Variants in ACTR3C observed in about 807,000 individuals in gnomAD.
ACTR3C encodes the protein actin-related protein 3C.
ACTR3C carries 18 observed loss-of-function variants against 26.3 expected under a neutral mutation model. The observed-to-expected ratio is 0.68, with a 90% CI of 0.47 to 1.01. The LOEUF (loss-of-function observed/expected upper bound fraction) is 1.01, where lower values mean the gene tolerates loss of function less well. Ranked by LOEUF, ACTR3C falls within the 50% of genes least tolerant of loss-of-function variation. The probability of loss-of-function intolerance (pLI) is 0.00; values close to 1 mark genes in which losing one functional copy is unlikely to be tolerated. For synonymous variants in ACTR3C, 55 were observed against 94.5 expected, an observed-to-expected ratio of 0.58 and a Z score of 2.42; for missense variants, 184 against 250.7, an observed-to-expected ratio of 0.73 and a Z score of 1.80.
chr7:149,960,603 T>C, the ACTR3C span, among the ~76,000 whole-genome samples: 947 of 152,184 alleles, frequency 6.2e-3, 9 homozygotes, highest in African/African-American at 0.021. Context: ...GTTCCGTCAT[T>C]TTGGAAGCCA....
the ACTR3C span, among the ~76,000 whole-genome samples, chr7:149,971,742 C>T: frequency 6.6e-6 from 1 of 152,186 alleles, no homozygotes; most frequent in African/African-American, 2.4e-5. Flanking sequence ...CCTCGTCTCC[C>T]ATTTACCCTT....
the ACTR3C span, among the ~76,000 whole-genome samples, chr7:149,919,532 G>T: frequency 6.6e-6 from 1 of 152,138 alleles, no homozygotes; most frequent in Non-Finnish European, 1.5e-5. Context: ...GAGCCACCGC[G>T]TCTGGCCCCT....
chr7:150,088,704 T>G, the ACTR3C span, among the ~76,000 whole-genome samples: 2 of 152,210 alleles, frequency 1.3e-5, no homozygotes, highest in Non-Finnish European at 2.9e-5. Flanking sequence ...TTTTGTACAG[T>G]TTCATCATAA....
the ACTR3C span, among the ~76,000 whole-genome samples, chr7:149,939,767 G>A: frequency 6.9e-6 from 1 of 145,212 alleles, no homozygotes; most frequent in East Asian, 2.0e-4. Context: ...AAACCTGTGT[G>A]CCCTTCAGTA....
At chr7:150,048,753 C>T in the ACTR3C span, among the ~76,000 whole-genome samples, 1 of 152,110 alleles carries the variant, frequency 6.6e-6, no homozygotes, top group East Asian at 1.9e-4. Flanking sequence ...GCAAATGGGG[C>T]GTGGGAGAGC....
chr7:150,288,415 T>TC lies in ACTR3C; in HGVS notation c.297+1034_297+1035insG, dbSNP rs946796357. Among the ~76,000 whole-genome samples, 10 of 133,940 alleles carry TC rather than the reference T, an allele frequency of 7.5e-5. 1 individual carries two copies. The highest frequency in any genetic ancestry group is 1.4e-4 in the Non-Finnish European group (9 of 65,054). 87.9% of individuals were successfully genotyped at this position (133,940 alleles called of 152,430 possible). ...AAAAGGCTCAATTCTTTTTTTTTTT[T>TC]TTCTTCTTTTTTGAAATAGAGACGA... On this transcript the variant is annotated intron_variant, in intron 4 of 7. Coordinates refer to ENST00000683684, the MANE Select transcript of ACTR3C (RefSeq NM_001164458.2).
chr7:150,029,938 G>A, the ACTR3C span, among the ~76,000 whole-genome samples: 440 of 147,928 alleles, frequency 3.0e-3, 2 homozygotes, highest in Non-Finnish European at 5.3e-3. Flanking sequence ...AACTCTTCAA[G>A]AATCATCCTA....
At chr7:150,034,188 A>T in the ACTR3C span, among the ~76,000 whole-genome samples, 2 of 151,902 alleles carry the variant, frequency 1.3e-5, no homozygotes, top group Non-Finnish European at 2.9e-5. Context: ...GAATCAGCTT[A>T]TTTGCTTCTT....
chr7:150,214,425 A>C, the ACTR3C span, among the ~76,000 whole-genome samples: 1 of 152,178 alleles, frequency 6.6e-6, no homozygotes, highest in Admixed American at 6.5e-5. Flanking sequence ...TTGAAAATGC[A>C]ATATCCGGAG....
At chr7:150,282,771 G>T (rs1235672967) in intron 6 of ACTR3C, among the ~76,000 whole-genome samples, 3 of 135,000 alleles carry the variant, frequency 2.2e-5, no homozygotes, top group Non-Finnish European at 4.5e-5. Context: ...AGCTACTTGG[G>T]AGACTGAAGC....
At chr7:150,314,624 T>C (rs564228298) in intron 1 of ACTR3C, among the ~76,000 whole-genome samples, 1 of 152,244 alleles carries the variant, frequency 6.6e-6, no homozygotes, top group African/African-American at 2.4e-5. Flanking sequence ...CTTTTCTAGA[T>C]GTTTAAAATA....
At chr7:150,138,529 C>T in the ACTR3C span, among the ~76,000 whole-genome samples, 1 of 152,264 alleles carries the variant, frequency 6.6e-6, no homozygotes, top group Non-Finnish European at 1.5e-5. Flanking sequence ...AGCTAGTCAT[C>T]CATTCAGGCT....
chr7:150,251,205 T>C (rs73728103), intron 6 of ACTR3C, among the ~76,000 whole-genome samples: 3,280 of 152,348 alleles, frequency 0.022, 122 homozygotes, highest in African/African-American at 0.075. Flanking sequence ...TCTAATTCAA[T>C]GGTCGTTTAT....
At chr7:149,935,979 C>T in the ACTR3C span, among the ~76,000 whole-genome samples, 8 of 151,826 alleles carry the variant, frequency 5.3e-5, no homozygotes, top group African/African-American at 1.9e-4. Context: ...TGCACAGTCA[C>T]CCCCAAAAGT....
At chr7:150,062,351 G>T in the ACTR3C span, 1 of 78,182 alleles carries the variant, frequency 1.3e-5, no homozygotes. Flanking sequence ...AACTGCATGT[G>T]GGGTGGGCTC....
chr7:150,092,634 C>T, the ACTR3C span, among the ~76,000 whole-genome samples: 6 of 150,490 alleles, frequency 4.0e-5, no homozygotes, highest in East Asian at 1.2e-3. Flanking sequence ...GTGGTGGAAA[C>T]TACTGCATGT....
At chr7:150,035,009 TC>T in the ACTR3C span, among the ~76,000 whole-genome samples, 3 of 131,966 alleles carry the variant, frequency 2.3e-5, no homozygotes, top group South Asian at 2.5e-4. Context: ...ATGGGGGTCC[TC>T]AGAGCCAGGG....
At chr7:150,087,503 G>A in the ACTR3C span, among the ~76,000 whole-genome samples, 1 of 152,178 alleles carries the variant, frequency 6.6e-6, no homozygotes, top group East Asian at 1.9e-4. Flanking sequence ...GGAGGTGAAG[G>A]GGGAAGCATG....
chr7:150,321,975 T>C (rs1797562600), intron 1 of ACTR3C, among the ~76,000 whole-genome samples: 1 of 152,082 alleles, frequency 6.6e-6, no homozygotes, highest in Non-Finnish European at 1.5e-5. Context: ...ACTGAGGAGG[T>C]GGAAAGAAGT....
Sources: gnomAD v4.1 joint callset for allele counts (sites outside exome capture counted in the v4.1 genomes callset) on GRCh38, gnomAD v4.1.1 for gene constraint, MANE v1.5 for transcripts, NCBI Gene and HGNC (gene_info 2026-07-23, HGNC 2026-07-21) for gene names.